GADD45GIP1: variants seen among roughly 807,000 people sequenced by gnomAD.
GADD45GIP1 encodes GADD45G interacting protein 1.
A neutral mutation model predicts 22.1 loss-of-function variants in GADD45GIP1; 17 were observed. The ratio of observed to expected loss-of-function variants is 0.77; its 90% CI spans 0.53 to 1.15. The LOEUF (loss-of-function observed/expected upper bound fraction) is 1.15. Ranked by LOEUF, GADD45GIP1 falls within the 50% of genes most tolerant of loss-of-function variation. GADD45GIP1 has a pLI of 0.00. For synonymous variants in GADD45GIP1, 135 were observed against 138.4 expected (o/e 0.98, Z 0.17); for missense variants, 294 against 314.0 (o/e 0.94, Z 0.48).
chr19:12,956,775 C>A (rs1971929079), intron 1 of GADD45GIP1, 88 bp downstream of exon 1: 1 of 1,121,832 alleles, frequency 8.9e-7, no homozygotes, highest in Non-Finnish European at 1.3e-6. Flanking sequence ...GATGCTGCGA[C>A]GTGACCCCGA....
rs1971931128 is a variant in GADD45GIP1 at position 12,956,934 on chromosome 19, G to A, written c.279C>T (p.Tyr93=). 1 of 1,599,674 alleles carries A rather than the reference G, an allele frequency of 6.3e-7. No homozygotes were observed. Among genetic ancestry groups the A allele is most frequent in the East Asian group, 2.2e-5 (1 of 44,838 alleles). Residue 93 remains tyrosine (Y), a synonymous_variant, in exon 1 of 2, where the codon TAC becomes TAT. Transcript: ENST00000316939. ...ACTCCTGCATGGTCGCCAGGCTCGG[G>A]TACCATTCGCGTTCTTCGGCCTCCA... The part of the protein sequence containing the change: ...RELEAEEREW[Y]PSLATMQESL...
intron 1 of GADD45GIP1, among the ~76,000 whole-genome samples, chr19:12,955,262 A>G (rs897761187): frequency 3.3e-5 from 5 of 152,156 alleles, no homozygotes; most frequent in African/African-American, 9.7e-5. Flanking sequence ...GTGTCCCTGC[A>G]AAGGACATGA....
At chr19:12,955,567 G>A (rs904893295) in intron 1 of GADD45GIP1, among the ~76,000 whole-genome samples, 2 of 152,128 alleles carry the variant, frequency 1.3e-5, no homozygotes, top group Non-Finnish European at 2.9e-5. Context: ...TATAAGAGAT[G>A]CCCCTGGTCT....
rs376322659 is a variant in GADD45GIP1 at position 12,953,540 on chromosome 19, C to G, written c.*668G>C. 3 of 153,824 alleles carry G rather than the reference C, an allele frequency of 2.0e-5. No individual in the cohort carries two copies. The highest frequency in any genetic ancestry group is 7.2e-5 in the African/African-American group (3 of 41,494). 9.5% of individuals were successfully genotyped at this position (153,824 alleles called of 1,614,324 possible). On this transcript the variant is annotated 3_prime_UTR_variant, in exon 2 of 2. Transcript: ENST00000316939. ...CCCCAGTCTGGCCTTGGCCTCCAGC[C>G]TGGAGAAGGGCTAACATCAGCTCAT...
Position 12,956,919 on chromosome 19 carries a change from G to A in GADD45GIP1, c.294C>T (p.Thr98=). The A allele has an allele frequency of 6.3e-7, 1 of 1,599,802 alleles. No homozygotes were observed. Among genetic ancestry groups the A allele is most frequent in the South Asian group, 1.1e-5 (1 of 91,024 alleles). ...GCTTCACCCGCAGCGACTCCTGCAT[G>A]GTCGCCAGGCTCGGGTACCATTCGC... ...EEREWYPSLA[T]MQESLRVKQL... The change falls in exon 1 of 2, where the codon ACC becomes ACT. Residue 98 remains threonine (T), a synonymous_variant. Coordinates refer to ENST00000316939, the MANE Select transcript of GADD45GIP1 (RefSeq NM_052850.4).
At position 12,957,174 on chromosome 19, in the gene GADD45GIP1, A is replaced by T; in HGVS notation, c.39T>A (p.Gly13=). The stretch of plus-strand genomic sequence containing the variant: ...AACCCGGGGCCAGGGTCGCCGCCAC[A>T]CCTAGTAGGCTGCGTGCCTGTCGCA... ...ASVRQARSLL[G]VAATLAPGSR... Residue 13 remains glycine, a synonymous_variant, in exon 1 of 2, where the codon GGT becomes GGA. Transcript: ENST00000316939. 1 of 1,417,166 alleles carries T rather than the reference A, an allele frequency of 7.1e-7. No individual in the cohort carries two copies. The highest frequency in any genetic ancestry group is 9.1e-7 in the Non-Finnish European group (1 of 1,098,374). The allele number at this position is 1,417,166 out of a possible 1,614,324, so 87.8% of individuals were successfully genotyped here.
At position 12,956,940 on chromosome 19, in the gene GADD45GIP1, T is replaced by C. The variant is rs545589991; in HGVS notation, c.273A>G (p.Glu91=). 1 of 1,599,538 alleles carries C rather than the reference T, an allele frequency of 6.3e-7. No individual in the cohort carries two copies. The highest frequency in any genetic ancestry group is 1.1e-5 in the South Asian group (1 of 91,044). The change falls in exon 1 of 2, where the codon GAA becomes GAG. Residue 91 remains glutamate, a synonymous_variant. Coordinates refer to ENST00000316939, the MANE Select transcript of GADD45GIP1 (RefSeq NM_052850.4). ...GCATGGTCGCCAGGCTCGGGTACCA[T>C]TCGCGTTCTTCGGCCTCCAGCTCCC... The part of the protein sequence containing the change: ...QLRELEAEER[E]WYPSLATMQE...
At chr19:12,955,124 T>A (rs552775427) in intron 1 of GADD45GIP1, among the ~76,000 whole-genome samples, 2 of 152,324 alleles carry the variant, frequency 1.3e-5, no homozygotes, top group East Asian at 3.9e-4. Flanking sequence ...AAAGCCCTAG[T>A]GTGTGTTGCT....
intron 1 of GADD45GIP1, 74 bp downstream of exon 1, chr19:12,956,789 G>A: frequency 7.3e-7 from 1 of 1,376,034 alleles, no homozygotes; most frequent in Non-Finnish European, 1.0e-6. Context: ...ACCCCGAAGG[G>A]GTAGGCACGG....
chr19:12,954,001 C>T lies in GADD45GIP1; in HGVS notation c.*207G>A. ...GCTTCTCCATTATTTGCCCATTGTACACCCCCCTTTTCCTCCCACTGAAGC... is the reference window on the plus strand; with the variant it reads ...GCTTCTCCATTATTTGCCCATTGTATACCCCCCTTTTCCTCCCACTGAAGC... On this transcript the variant is annotated 3_prime_UTR_variant, in exon 2 of 2. Transcript: ENST00000316939. 7.0e-6 allele frequency: 4 copies of T among 569,416 alleles called. No homozygotes were observed. The highest frequency in any genetic ancestry group is 1.2e-5 in the Non-Finnish European group (4 of 321,632). The allele number at this position is 569,416 out of a possible 1,614,324, so 35.3% of individuals were successfully genotyped here. A position where few individuals can be genotyped will look rare whatever the true frequency, so the allele number is the denominator to read the frequency against.
chr19:12,957,106 C>A lies in GADD45GIP1; in HGVS notation c.107G>T (p.Gly36Val). 6.9e-7 allele frequency: 1 copy of A among 1,450,814 alleles called. No homozygotes were observed. The highest frequency in any genetic ancestry group is 9.0e-7 in the Non-Finnish European group (1 of 1,115,246). The allele number at this position is 1,450,814 out of a possible 1,614,324, so 89.9% of individuals were successfully genotyped here. ...RARPPPRRRP[G>V]PRWPDPEDLL... ...GTCCTCGGGGTCTGGCCACCGGGGT[C>A]CCGGCCTGCGGCGCGGGGGCGGCCG... is the stretch of plus-strand genomic sequence containing the variant. Residue 36 changes from glycine (G) to valine (V), a missense_variant, in exon 1 of 2, where the codon GGA becomes GTA. Gly to Val is a moderately radical substitution (Grantham distance 109). Transcript: ENST00000316939.
Position 12,954,159 on chromosome 19 carries a change from CT to C in GADD45GIP1, c.*48del. ...GCACACCTTGAGAGGACGCAGATCT[CT>C]TCAGGGGTACTGCCAGGTAGCAGGC... On this transcript the variant is annotated 3_prime_UTR_variant, in exon 2 of 2. Transcript: ENST00000316939. 6.6e-7 allele frequency: 1 copy of C among 1,522,764 alleles called. No homozygotes were observed. The highest frequency in any genetic ancestry group is 9.0e-7 in the Non-Finnish European group (1 of 1,111,008). The allele number at this position is 1,522,764 out of a possible 1,614,324, so 94.3% of individuals were successfully genotyped here. A position where few individuals can be genotyped will look rare whatever the true frequency, so the allele number is the denominator to read the frequency against.
chr19:12,956,391 C>T (rs529068723), intron 1 of GADD45GIP1, among the ~76,000 whole-genome samples: 1 of 152,318 alleles, frequency 6.6e-6, no homozygotes, highest in South Asian at 2.1e-4. Flanking sequence ...TGATGGCTCA[C>T]ACCTGTAATC....
chr19:12,957,196 C>T lies in GADD45GIP1; in HGVS notation c.17G>A (p.Arg6Gln), dbSNP rs1242685762. 2 of 1,400,824 alleles carry T rather than the reference C, an allele frequency of 1.4e-6. No homozygotes were observed. Among genetic ancestry groups the T allele is most frequent in the African/African-American group, 1.5e-5 (1 of 66,290 alleles). The allele number at this position is 1,400,824 out of a possible 1,614,324, so 86.8% of individuals were successfully genotyped here. Residue 6 changes from arginine to glutamine, a missense_variant, in exon 1 of 2, where the codon CGA (arginine) becomes CAA (glutamine). Physicochemically the swap from Arg to Gln is conservative, Grantham distance 43 (BLOSUM62 1). Transcript: ENST00000316939. MAASV[R>Q]QARSLLGVAA... ...CACACCTAGTAGGCTGCGTGCCTGT[C>T]GCACGGACGCCGCCATCTTGGCTGT...
In GADD45GIP1 at chr19:12,953,150, G is replaced by GA. The variant is rs371116567; in HGVS notation, c.*1057dup. On this transcript the variant is annotated 3_prime_UTR_variant, in exon 2 of 2. Coordinates refer to ENST00000316939, the MANE Select transcript of GADD45GIP1 (RefSeq NM_052850.4). ...TATATTCATGTTTATTTAAGAAATG[G>GA]AAAAAAAAATCAAAAATCTTAAAAA... 488 of 790,720 alleles carry GA rather than the reference G, an allele frequency of 6.2e-4. No homozygotes were observed. The highest frequency in any genetic ancestry group is 7.9e-4 in the African/African-American group (43 of 54,380). The allele number at this position is 790,720 out of a possible 1,614,324, so 49.0% of individuals were successfully genotyped here.
intron 1 of GADD45GIP1, among the ~76,000 whole-genome samples, chr19:12,956,311 G>A (rs62109872): frequency 0.032 from 4,827 of 152,278 alleles, 107 homozygotes; most frequent in Middle Eastern, 0.054. Context: ...ACGAGCCACC[G>A]CCCCCGGCCT....
At chr19:12,955,234 T>C (rs536388440) in intron 1 of GADD45GIP1, among the ~76,000 whole-genome samples, 3 of 152,294 alleles carry the variant, frequency 2.0e-5, no homozygotes, top group African/African-American at 7.2e-5. Context: ...CTAGGGATGA[T>C]AGCCTCCAGC....
In GADD45GIP1 at chr19:12,955,197, T is replaced by G. The variant is rs186242489; in HGVS notation, c.351-671A>C. On this transcript the variant is annotated intron_variant, in intron 1 of 1. Transcript: ENST00000316939. ...ACTTACAAGTGAGAACACGTTGTAT[T>G]TGGTTTTCTGTTCCTGTGTTAGTTT... is the stretch of plus-strand genomic sequence containing the variant. 1.4e-4 allele frequency among the ~76,000 whole-genome samples: 21 copies of G among 152,318 alleles called. 1 individual carries two copies. The highest frequency in any genetic ancestry group is 2.6e-4 in the Admixed American group (4 of 15,296).
chr19:12,954,224 C>A lies in GADD45GIP1; in HGVS notation c.653G>T (p.Gly218Val). Reference protein sequence around the residue: ...AAVAQDPAASGAPSS With the variant: ...AAVAQDPAASVAPSS Reference sequence around the variant, plus strand: ...GACAAAGCCTCAGGAGCTGGGTGCCCCAGAGGCTGCTGGGTCTTGAGCCAC... The same window carrying A: ...GACAAAGCCTCAGGAGCTGGGTGCCACAGAGGCTGCTGGGTCTTGAGCCAC... Residue 218 changes from glycine (G) to valine (V), a missense_variant, in exon 2 of 2, where the codon GGG (glycine) becomes GTG (valine). Gly to Val is a moderately radical substitution (Grantham distance 109). Transcript: ENST00000316939. 1 of 1,613,202 alleles carries A rather than the reference C, an allele frequency of 6.2e-7. No homozygotes were observed. The highest frequency in any genetic ancestry group is 8.5e-7 in the Non-Finnish European group (1 of 1,179,798).
Sources: gnomAD v4.1 joint callset for allele counts (sites outside exome capture counted in the v4.1 genomes callset) on GRCh38, gnomAD v4.1.1 for gene constraint, MANE v1.5 for transcripts, NCBI Gene and HGNC (gene_info 2026-07-23, HGNC 2026-07-21) for gene names.